The following RBM10 variants were observed in gnomAD, a reference collection of about 807,000 sequenced individuals.
RBM10 encodes the protein RNA-binding protein 10.
RBM10 carries 1 observed loss-of-function variant against 84.9 expected under a neutral mutation model. The ratio of observed to expected loss-of-function variants is 0.01; its 90% CI spans 0.00 to 0.06. The LOEUF is 0.06. RBM10 is among the 10% of genes least tolerant of loss of function. The pLI, the probability that RBM10 is intolerant of heterozygous loss-of-function variation, is 1.00. For synonymous variants in RBM10, 326 were observed against 344.5 expected (o/e 0.95, Z 0.60); for missense variants, 438 against 839.0 (o/e 0.52, Z 5.90).
intron 2 of RBM10, among the ~76,000 whole-genome samples, chrX:47,160,512 AATC>A (rs782773832): frequency 9.0e-6 from 1 of 111,646 alleles, no homozygotes; most frequent in East Asian, 2.8e-4. Context: ...CATCATCACT[AATC>A]ATCAGAGAAA....
rs2147222824 is a variant in RBM10 at position 47,186,090 on chromosome X, C to T, written c.2456C>T (p.Ala819Val). 8.2e-7 allele frequency: 1 copy of T among 1,212,569 alleles called. No homozygotes were observed. The highest frequency in any genetic ancestry group is 1.1e-6 in the Non-Finnish European group (1 of 895,660). Residue 819 changes from alanine to valine, a missense_variant, in exon 22 of 24, where the codon GCT becomes GTT. Ala to Val is a moderately conservative substitution (Grantham distance 64). Coordinates refer to ENST00000377604, the MANE Select transcript of RBM10 (RefSeq NM_005676.5). Reference sequence around the variant, plus strand: ...CAAATGAAGTACCGGGACCGTGCAGCTGAACGCAGAGAAAAGTATGGCATC... The same window carrying T: ...CAAATGAAGTACCGGGACCGTGCAGTTGAACGCAGAGAAAAGTATGGCATC... ...MEQMKYRDRA[A>V]ERREKYGIPE...
intron 20 of RBM10, 33 bp downstream of exon 20, chrX:47,185,663 G>A (rs782697063): frequency 8.3e-7 from 1 of 1,207,691 alleles, no homozygotes; most frequent in African/African-American, 1.7e-5. Flanking sequence ...GCATGCTGGG[G>A]CCTGGCCCAC....
At chrX:47,176,419 C>T (rs1935155760) in intron 6 of RBM10, 81 bp from the exon 7 acceptor site, 9 of 1,193,354 alleles carry the variant, frequency 7.5e-6, no homozygotes, top group Admixed American at 4.6e-5. Flanking sequence ...CTGAAGGGCT[C>T]GCTCACTCTC....
At chrX:47,183,172 A>G (rs1556780643) in intron 17 of RBM10, among the ~76,000 whole-genome samples, 1 of 111,857 alleles carries the variant, frequency 8.9e-6, no homozygotes, top group South Asian at 3.7e-4. Flanking sequence ...AATTGGGCCA[A>G]ACTCCCCCTT....
intron 5 of RBM10, among the ~76,000 whole-genome samples, chrX:47,174,465 T>A (rs1409492190): frequency 9.0e-6 from 1 of 111,509 alleles, no homozygotes; most frequent in African/African-American, 3.3e-5. Context: ...TGGTTTCCAA[T>A]GGGCCAAGAG....
At chrX:47,154,592 C>T (rs1435221676) in intron 2 of RBM10, among the ~76,000 whole-genome samples, 5 of 109,629 alleles carry the variant, frequency 4.6e-5, no homozygotes, top group African/African-American at 1.0e-4. Context: ...GCAAGGATTA[C>T]AGGCCCGTGC....
At chrX:47,157,040 G>A (rs782561245) in intron 2 of RBM10, 75 of 295,448 alleles carry the variant, frequency 2.5e-4, no homozygotes, top group Middle Eastern at 8.0e-4. Flanking sequence ...TGATGATGAT[G>A]TCGGTGCCGA....
intron 12 of RBM10, 146 bp from the exon 13 acceptor site, chrX:47,181,069 C>T (rs781807622): frequency 2.4e-5 from 11 of 455,075 alleles, no homozygotes; most frequent in South Asian, 6.9e-5. Context: ...AGGCAACCCT[C>T]GCTTTCCACT....
At position 47,186,124 on chromosome X, in the gene RBM10, G is replaced by A. The variant is rs782040598; in HGVS notation, c.2490G>A (p.Pro830=). 7.4e-6 allele frequency: 9 copies of A among 1,211,847 alleles called. No homozygotes were observed. Among genetic ancestry groups the A allele is most frequent in the South Asian group, 5.3e-5 (3 of 57,011 alleles). ...GAGAAAAGTATGGCATCCCCGAGCCGCCAGAGCCCAAGAGGAGGAAGTACG... is the reference window on the plus strand; with the variant it reads ...GAGAAAAGTATGGCATCCCCGAGCCACCAGAGCCCAAGAGGAGGAAGTACG... ...ERREKYGIPE[P]PEPKRRKYGG... Residue 830 remains proline, a synonymous_variant, in exon 22 of 24, where the codon CCG becomes CCA. Coordinates refer to ENST00000377604, the MANE Select transcript of RBM10 (RefSeq NM_005676.5).
chrX:47,156,068 C>T (rs1933120852), intron 2 of RBM10, among the ~76,000 whole-genome samples: 2 of 110,292 alleles, frequency 1.8e-5, no homozygotes, highest in African/African-American at 6.6e-5. Context: ...CTCGGCCTCC[C>T]AAAGTGCTCG....
At chrX:47,158,360 AC>A (rs1165664754) in intron 2 of RBM10, among the ~76,000 whole-genome samples, 7 of 109,374 alleles carry the variant, frequency 6.4e-5, no homozygotes, top group Non-Finnish European at 1.3e-4. Flanking sequence ...GGTCTCCACA[AC>A]CCCCCCACCC....
At chrX:47,178,030 C>T (rs782258960) in intron 7 of RBM10, among the ~76,000 whole-genome samples, 1 of 111,411 alleles carries the variant, frequency 9.0e-6, no homozygotes, top group African/African-American at 3.3e-5. Context: ...ATTCCCGCTG[C>T]TCATGCCAAT....
At chrX:47,149,115 A>G (rs988209315) in intron 2 of RBM10, among the ~76,000 whole-genome samples, 3 of 111,691 alleles carry the variant, frequency 2.7e-5, no homozygotes, top group African/African-American at 6.5e-5. Context: ...TTCAGTTGAC[A>G]CACATGGCAT....
Position 47,165,396 on chromosome X carries a change from T to C in RBM10, c.18-3919T>C, listed in dbSNP as rs1459596993. ...CGGGAGTGGTGGTGCATGTCTGTAA[T>C]CCCAGCTACTCGGGAGGCTGAGGCA... On this transcript the variant is annotated intron_variant, in intron 2 of 23. Transcript: ENST00000377604. 1.9e-4 allele frequency among the ~76,000 whole-genome samples: 20 copies of C among 107,350 alleles called. 2 individuals are homozygous for C. The Admixed American group carries it at 1.9e-3, about 10-fold the overall frequency. The allele number at this position is 107,350 out of a possible 115,157, so 93.2% of individuals were successfully genotyped here.
intron 7 of RBM10, 66 bp downstream of exon 7, chrX:47,176,652 C>T (rs1195993808): frequency 1.7e-6 from 2 of 1,190,749 alleles, no homozygotes; most frequent in African/African-American, 3.6e-5. Context: ...GCGATCTCTC[C>T]CTTCCTCTCC....
Position 47,164,151 on chromosome X carries a change from G to A in RBM10, c.18-5164G>A, listed in dbSNP as rs782472131. 2.7e-5 allele frequency among the ~76,000 whole-genome samples: 3 copies of A among 110,855 alleles called. No individual in the cohort carries two copies. The South Asian group carries it at 1.1e-3, about 41-fold the overall frequency. On this transcript the variant is annotated intron_variant, in intron 2 of 23. Coordinates refer to ENST00000377604, the MANE Select transcript of RBM10 (RefSeq NM_005676.5). ...CCCAAAGTGCTGGGATTACAGGCGT[G>A]AGTCACTGTGCCTGGCCGATTAGAA...
chrX:47,145,301 A>G lies in RBM10; in HGVS notation c.-310A>G, dbSNP rs1288172210. ...CTGGTGACTGTGGCCGGCTGGGAGT[A>G]GGCGGCAGTGAGTTTCCCTGGGAGG... is the stretch of plus-strand genomic sequence containing the variant. On this transcript the variant is annotated 5_prime_UTR_variant, in exon 1 of 24. Transcript: ENST00000377604. 20 of 623,995 alleles carry G rather than the reference A, an allele frequency of 3.2e-5. No homozygotes were observed. The highest frequency in any genetic ancestry group is 4.9e-5 in the Non-Finnish European group (19 of 391,510). The allele number at this position is 623,995 out of a possible 1,213,427, so 51.4% of individuals were successfully genotyped here.
chrX:47,186,464 C>G lies in RBM10; in HGVS notation c.2668-10C>G. 8.3e-7 allele frequency: 1 copy of G among 1,205,993 alleles called. No homozygotes were observed. The highest frequency in any genetic ancestry group is 1.8e-5 in the South Asian group (1 of 55,899). On this transcript the variant is annotated splice_polypyrimidine_tract_variant and intron_variant, in intron 23 of 23. Coordinates refer to ENST00000377604, the MANE Select transcript of RBM10 (RefSeq NM_005676.5). ...CCACCAGCCTGACAGAGCCTGCCTC[C>G]CTCACACAGGCCCAAACACGGGTGC...
chrX:47,154,439 T>TG (rs1311659774), intron 2 of RBM10, among the ~76,000 whole-genome samples: 120 of 108,991 alleles, frequency 1.1e-3, no homozygotes, highest in East Asian at 2.0e-3. Context: ...TTCCTTTTTT[T>TG]TTTGTTTGTT....
Sources: allele counts gnomAD v4.1 joint callset (sites outside exome capture counted in the v4.1 genomes callset), GRCh38; gene constraint gnomAD v4.1.1; transcripts MANE v1.5; gene names NCBI Gene and HGNC (gene_info 2026-07-23, HGNC 2026-07-21).